The following EFCAB13 variants were observed in gnomAD, a reference collection of about 807,000 sequenced individuals.
The protein encoded by EFCAB13 is EF-hand calcium binding domain 13, also known as EF-hand calcium-binding domain-containing protein 13.
Under a neutral mutation model 110.2 loss-of-function variants are expected in EFCAB13, and 91 were observed. The ratio of observed to expected loss-of-function variants is 0.83; its 90% CI spans 0.70 to 0.98. The LOEUF (loss-of-function observed/expected upper bound fraction) is 0.98. Ranked by LOEUF, EFCAB13 falls within the 50% of genes least tolerant of loss-of-function variation. EFCAB13 has a pLI of 0.00. For synonymous variants in EFCAB13, 323 were observed against 369.9 expected, an observed-to-expected ratio of 0.87 and a Z score of 1.45; for missense variants, 968 against 1,119.4, an observed-to-expected ratio of 0.86 and a Z score of 1.93.
chr17:47,394,510 A>T (rs546999673), intron 16 of EFCAB13, among the ~76,000 whole-genome samples: 37 of 152,200 alleles, frequency 2.4e-4, no homozygotes, highest in Non-Finnish European at 5.3e-4. Context: ...AGTAACATTT[A>T]TGAACCATTA....
intron 23 of EFCAB13, 53 bp from the exon 24 acceptor site, chr17:47,429,765 A>C: frequency 6.6e-7 from 1 of 1,509,230 alleles, no homozygotes; most frequent in Middle Eastern, 1.9e-4. Context: ...ATAACTAATA[A>C]CATATGCTCT....
At chr17:47,330,279 T>A (rs114129735) in intron 4 of EFCAB13, among the ~76,000 whole-genome samples, 496 of 152,134 alleles carry the variant, frequency 3.3e-3, no homozygotes, top group African/African-American at 0.012. Context: ...TTTGTTATTT[T>A]ATTTTTTGTA....
chr17:47,336,624 A>G (rs1356890961), intron 5 of EFCAB13, among the ~76,000 whole-genome samples: 1 of 122,466 alleles, frequency 8.2e-6, no homozygotes, highest in African/African-American at 3.1e-5. Context: ...TATTTTTAGT[A>G]GAGACGGGAT....
chr17:47,343,206 G>T (rs1471795967), intron 6 of EFCAB13, among the ~76,000 whole-genome samples: 1 of 152,030 alleles, frequency 6.6e-6, no homozygotes, highest in Non-Finnish European at 1.5e-5. Flanking sequence ...TTCTTCAAGA[G>T]AATTTTTAAA....
chr17:47,373,624 T>G (rs975251224), intron 11 of EFCAB13, among the ~76,000 whole-genome samples: 2 of 152,156 alleles, frequency 1.3e-5, no homozygotes, highest in African/African-American at 4.8e-5. Context: ...ATCAGAAGTG[T>G]CAAAGATTAT....
At chr17:47,438,498 C>CTTT (rs112384926) in intron 24 of EFCAB13, among the ~76,000 whole-genome samples, 2 of 142,344 alleles carry the variant, frequency 1.4e-5, no homozygotes. Flanking sequence ...TAGTCTTATT[C>CTTT]TTTTTTTTTT....
At chr17:47,381,274 T>A (rs1186480428) in intron 14 of EFCAB13, among the ~76,000 whole-genome samples, 3 of 152,168 alleles carry the variant, frequency 2.0e-5, no homozygotes, top group Non-Finnish European at 4.4e-5. Flanking sequence ...GGTGGATAGG[T>A]TGCAAAAATT....
chr17:47,409,413 C>T (rs2065821854), intron 20 of EFCAB13: 1 of 444,310 alleles, frequency 2.3e-6, no homozygotes, highest in Admixed American at 3.4e-5. Flanking sequence ...GAAACTGCCA[C>T]ATTTAAGGAG....
chr17:47,409,724 CA>C, intron 21 of EFCAB13, 33 bp downstream of exon 21: 1 of 1,493,478 alleles, frequency 6.7e-7, no homozygotes, highest in Middle Eastern at 1.7e-4. Flanking sequence ...AGAAAATTTT[CA>C]ATAATAAGAG....
At chr17:47,376,728 A>G (rs1319632357) in intron 12 of EFCAB13, among the ~76,000 whole-genome samples, 2 of 152,200 alleles carry the variant, frequency 1.3e-5, no homozygotes, top group East Asian at 3.9e-4. Flanking sequence ...CAGTTGTTCC[A>G]TGAATGTTCT....
chr17:47,377,567 G>T, intron 12 of EFCAB13, 199 bp from the exon 13 acceptor site: 1 of 372,622 alleles, frequency 2.7e-6, no homozygotes, highest in Non-Finnish European at 4.7e-6. Flanking sequence ...TGTTAGGACG[G>T]TTCTGTGTTT....
chr17:47,411,861 G>A (rs906889828), intron 21 of EFCAB13, among the ~76,000 whole-genome samples: 17 of 152,210 alleles, frequency 1.1e-4, no homozygotes, highest in African/African-American at 3.1e-4. Flanking sequence ...GGAGGCTGAC[G>A]CCGGTGGATC....
At chr17:47,395,765 A>C (rs1335096306) in intron 16 of EFCAB13, 69 bp from the exon 17 acceptor site, 15 of 1,354,584 alleles carry the variant, frequency 1.1e-5, no homozygotes, top group Non-Finnish European at 1.5e-5. Flanking sequence ...TGTCTATTCC[A>C]GATGACAGTT....
chr17:47,349,070 AC>A (rs2065433817), intron 9 of EFCAB13, among the ~76,000 whole-genome samples: 1 of 152,198 alleles, frequency 6.6e-6, no homozygotes, highest in South Asian at 2.1e-4. Context: ...AGAAAGGAGA[AC>A]CCACTCTCAA....
At chr17:47,338,559 T>G (rs529703344) in intron 5 of EFCAB13, among the ~76,000 whole-genome samples, 33 of 116,066 alleles carry the variant, frequency 2.8e-4, no homozygotes, top group Non-Finnish European at 4.9e-4. Context: ...TTACTACTAG[T>G]TTTTTTTTTT....
At chr17:47,405,737 C>T (rs911033468) in intron 20 of EFCAB13, among the ~76,000 whole-genome samples, 1 of 151,234 alleles carries the variant, frequency 6.6e-6, no homozygotes, top group Non-Finnish European at 1.5e-5. Flanking sequence ...TTCTTTGCTA[C>T]TGAATGTTCT....
intron 16 of EFCAB13, among the ~76,000 whole-genome samples, chr17:47,394,400 C>T (rs1598747936): frequency 1.3e-5 from 2 of 152,142 alleles, no homozygotes; most frequent in Admixed American, 6.5e-5. Context: ...TTTAAAATGT[C>T]TTTCAACTTA....
intron 23 of EFCAB13, chr17:47,423,219 A>G (rs543755535): frequency 6.6e-6 from 1 of 152,228 alleles, no homozygotes; most frequent in Non-Finnish European, 1.5e-5. Flanking sequence ...CAATGTAATA[A>G]TTTCCTAATT....
At chr17:47,387,812 T>G (rs922159722) in intron 14 of EFCAB13, among the ~76,000 whole-genome samples, 4 of 152,228 alleles carry the variant, frequency 2.6e-5, no homozygotes, top group African/African-American at 9.7e-5. Flanking sequence ...AGGGTATATA[T>G]GCTTAGAGGA....
Sources: allele counts gnomAD v4.1 joint callset (sites outside exome capture counted in the v4.1 genomes callset), GRCh38; gene constraint gnomAD v4.1.1; transcripts MANE v1.5; gene names NCBI Gene and HGNC (gene_info 2026-07-23, HGNC 2026-07-21).